The following TMEM45A variants were observed in gnomAD, a reference collection of about 807,000 sequenced individuals.
The protein encoded by TMEM45A is transmembrane protein 45A.
TMEM45A carries 25 observed loss-of-function variants against 32.0 expected under a neutral mutation model. The observed-to-expected ratio is 0.78, with a 90% CI of 0.57 to 1.09. TMEM45A has a LOEUF of 1.09. Ranked by LOEUF, TMEM45A falls within the 50% of genes least tolerant of loss-of-function variation. The probability of loss-of-function intolerance (pLI) is 0.00; values close to 1 mark genes in which losing one functional copy is unlikely to be tolerated. For synonymous variants in TMEM45A, 122 were observed against 114.8 expected (o/e 1.06, Z -0.40); for missense variants, 302 against 325.0 (o/e 0.93, Z 0.54).
intron 4 of TMEM45A, among the ~76,000 whole-genome samples, chr3:100,561,748 A>G (rs912246905): frequency 2.6e-5 from 4 of 152,116 alleles, no homozygotes; most frequent in African/African-American, 4.8e-5. Flanking sequence ...AGGTGCAGGG[A>G]CAATCAGGGA....
chr3:100,556,226 C>G (rs1706219609), intron 2 of TMEM45A, among the ~76,000 whole-genome samples: 1 of 152,162 alleles, frequency 6.6e-6, no homozygotes, highest in Non-Finnish European at 1.5e-5. Flanking sequence ...AGTGATCTGC[C>G]TGCCTCGGCC....
At chr3:100,576,338 C>T (rs1016494913) in intron 5 of TMEM45A, among the ~76,000 whole-genome samples, 4 of 152,158 alleles carry the variant, frequency 2.6e-5, no homozygotes, top group African/African-American at 4.8e-5. Flanking sequence ...GTAATTCCAG[C>T]TACTCAGGAG....
intron 1 of TMEM45A, among the ~76,000 whole-genome samples, chr3:100,536,810 T>C (rs950466296): frequency 1.3e-5 from 2 of 152,232 alleles, no homozygotes; most frequent in East Asian, 1.9e-4. Context: ...GGGCTGATAA[T>C]AGAGGGAAAA....
chr3:100,519,289 G>T, intron 1 of TMEM45A: 1 of 490,396 alleles, frequency 2.0e-6, no homozygotes, highest in Admixed American at 3.3e-5. Flanking sequence ...CATGATTCGT[G>T]GGGGACTCAG....
chr3:100,542,819 G>A (rs549758842), intron 1 of TMEM45A, among the ~76,000 whole-genome samples: 4 of 152,286 alleles, frequency 2.6e-5, no homozygotes, highest in South Asian at 4.1e-4. Context: ...TCACTTATAA[G>A]TGGGAGCTAA....
intron 1 of TMEM45A, among the ~76,000 whole-genome samples, chr3:100,543,016 A>G (rs1227706668): frequency 6.6e-6 from 1 of 152,198 alleles, no homozygotes; most frequent in Non-Finnish European, 1.5e-5. Flanking sequence ...AAAGCTCCAC[A>G]TGTATCCACT....
At chr3:100,507,967 CAAAT>C (rs1442136349) in intron 1 of TMEM45A, among the ~76,000 whole-genome samples, 1 of 150,674 alleles carries the variant, frequency 6.6e-6, no homozygotes, top group Non-Finnish European at 1.5e-5. Context: ...AGCACGATGT[CAAAT>C]AGAGTATTTA....
At chr3:100,568,290 G>C (rs1470312631) in intron 4 of TMEM45A, among the ~76,000 whole-genome samples, 2 of 152,002 alleles carry the variant, frequency 1.3e-5, no homozygotes, top group Admixed American at 1.3e-4. Flanking sequence ...TTCCAGTATG[G>C]ATGCCTTTTA....
chr3:100,561,640 G>A (rs1209496860), intron 4 of TMEM45A, among the ~76,000 whole-genome samples: 1 of 152,084 alleles, frequency 6.6e-6, no homozygotes, highest in African/African-American at 2.4e-5. Context: ...TTTATACTAT[G>A]AATCATGTTT....
chr3:100,513,271 T>TC (rs966863128), intron 1 of TMEM45A, among the ~76,000 whole-genome samples: 2 of 152,104 alleles, frequency 1.3e-5, no homozygotes, highest in African/African-American at 4.8e-5. Context: ...TAAAAGCTTA[T>TC]CCACCATGAT....
At chr3:100,498,997 C>A (rs1411350017) in intron 1 of TMEM45A, among the ~76,000 whole-genome samples, 2 of 152,126 alleles carry the variant, frequency 1.3e-5, no homozygotes, top group African/African-American at 4.8e-5. Flanking sequence ...AACACCATTT[C>A]ATGTGCTTAT....
intron 1 of TMEM45A, among the ~76,000 whole-genome samples, chr3:100,554,120 G>A (rs1478479957): frequency 6.6e-6 from 1 of 151,690 alleles, no homozygotes; most frequent in African/African-American, 2.4e-5. Flanking sequence ...TTCTGTTGAT[G>A]GTATGATATG....
chr3:100,520,800 C>T (rs759248227), intron 1 of TMEM45A, among the ~76,000 whole-genome samples: 104 of 152,288 alleles, frequency 6.8e-4, no homozygotes, highest in Non-Finnish European at 4.7e-4. Flanking sequence ...GAGAGTGTCT[C>T]ATCACCAAGA....
intron 4 of TMEM45A, among the ~76,000 whole-genome samples, chr3:100,564,955 A>T (rs1455628194): frequency 6.6e-6 from 1 of 152,212 alleles, no homozygotes; most frequent in East Asian, 1.9e-4. Flanking sequence ...AACTGCTGAG[A>T]TGTCTCAAAC....
At chr3:100,557,768 T>A (rs1706252689) in intron 3 of TMEM45A, among the ~76,000 whole-genome samples, 1 of 152,204 alleles carries the variant, frequency 6.6e-6, no homozygotes, top group East Asian at 1.9e-4. Flanking sequence ...GGGGTTACCG[T>A]ATTTTTGTAT....
chr3:100,571,148 T>C (rs971717667), intron 5 of TMEM45A: 1 of 152,216 alleles, frequency 6.6e-6, no homozygotes, highest in East Asian at 1.9e-4. Context: ...GCTTTATCTG[T>C]TCTCCATATC....
chr3:100,510,793 T>C (rs1708147719), intron 1 of TMEM45A, among the ~76,000 whole-genome samples: 1 of 152,098 alleles, frequency 6.6e-6, no homozygotes, highest in Non-Finnish European at 1.5e-5. Context: ...CTGATGGAGC[T>C]GAAAACCAAG....
At chr3:100,547,119 T>G (rs1483538453) in intron 1 of TMEM45A, among the ~76,000 whole-genome samples, 2 of 152,156 alleles carry the variant, frequency 1.3e-5, no homozygotes, top group African/African-American at 4.8e-5. Context: ...CATTATATAC[T>G]GTATTTTTTT....
chr3:100,535,425 AT>A (rs1216526866), intron 1 of TMEM45A, among the ~76,000 whole-genome samples: 1 of 152,156 alleles, frequency 6.6e-6, no homozygotes, highest in East Asian at 1.9e-4. Flanking sequence ...GACCAGAGTT[AT>A]TCTGTTGGCT....
Sources: gnomAD v4.1 joint callset for allele counts (sites outside exome capture counted in the v4.1 genomes callset) on GRCh38, gnomAD v4.1.1 for gene constraint, MANE v1.5 for transcripts, NCBI Gene and HGNC (gene_info 2026-07-23, HGNC 2026-07-21) for gene names.